NTM: variants seen among roughly 807,000 people sequenced by gnomAD.
NTM encodes the protein neurotrimin, also known as IgLON family member 2.
A neutral mutation model predicts 42.1 loss-of-function variants in NTM; 13 were observed. That is an observed-to-expected ratio of 0.31 (90% CI 0.20 to 0.49). The LOEUF is 0.49. Ranked by LOEUF, NTM falls within the 20% of genes least tolerant of loss-of-function variation. The pLI is 0.99. For missense variants in NTM, 373 were observed against 452.8 expected, an observed-to-expected ratio of 0.82 and a Z score of 1.60; for synonymous variants, 187 against 179.2, an observed-to-expected ratio of 1.04 and a Z score of -0.35.
rs531781416 is a variant in NTM at position 132,250,322 on chromosome 11, G to T, written c.526+38175G>T. 7.2e-5 allele frequency among the ~76,000 whole-genome samples: 11 copies of T among 152,164 alleles called. No homozygotes were observed. In the East Asian group the frequency reaches 2.1e-3, roughly 29 times the overall value. ...TTTTAAGATTTTTTCTTTGGATTTG[G>T]CTTTTTGCAAGTTCACGATGCTGTG... On this transcript the variant is annotated intron_variant, in intron 4 of 8. Transcript: ENST00000683400.
intron 3 of NTM, among the ~76,000 whole-genome samples, chr11:132,169,729 C>T (rs1462952092): frequency 6.6e-6 from 1 of 152,112 alleles, no homozygotes; most frequent in Non-Finnish European, 1.5e-5. Flanking sequence ...TACTGACAGA[C>T]AAGCATGAGA....
At chr11:131,852,769 A>G (rs1451228069) in intron 1 of NTM, among the ~76,000 whole-genome samples, 1 of 152,046 alleles carries the variant, frequency 6.6e-6, no homozygotes, top group African/African-American at 2.4e-5. Flanking sequence ...CCAACTATTC[A>G]TCTACTCATC....
chr11:132,242,809 G>A (rs993952968), intron 4 of NTM, among the ~76,000 whole-genome samples: 7 of 152,182 alleles, frequency 4.6e-5, no homozygotes, highest in South Asian at 2.1e-4. Context: ...TTGGAAACGC[G>A]TCCCCATTCT....
chr11:131,656,414 C>A (rs1202259816), intron 1 of NTM, among the ~76,000 whole-genome samples: 3 of 152,206 alleles, frequency 2.0e-5, no homozygotes, highest in East Asian at 1.9e-4. Flanking sequence ...TTCCTTCCTG[C>A]GATGCAGCAT....
At chr11:131,951,394 T>C (rs770461459) in intron 2 of NTM, among the ~76,000 whole-genome samples, 1 of 152,086 alleles carries the variant, frequency 6.6e-6, no homozygotes, top group Non-Finnish European at 1.5e-5. Flanking sequence ...GAAAAGCTGG[T>C]TTGGAGGCAG....
intron 2 of NTM, among the ~76,000 whole-genome samples, chr11:131,947,957 G>T (rs11222846): frequency 0.11 from 17,332 of 152,170 alleles, 1,369 homozygotes; most frequent in East Asian, 0.45. Flanking sequence ...CTTATTATTA[G>T]TAGTAGTAGT....
At chr11:132,237,775 G>A (rs1420816453) in intron 4 of NTM, among the ~76,000 whole-genome samples, 3 of 152,158 alleles carry the variant, frequency 2.0e-5, no homozygotes, top group Non-Finnish European at 2.9e-5. Flanking sequence ...AAATCTGGGC[G>A]CGCAGAGAGA....
intron 1 of NTM, among the ~76,000 whole-genome samples, chr11:131,389,050 G>GAAAAGAAAAGAAAAGAAAAGA (rs1555097661): frequency 1.9e-4 from 19 of 100,206 alleles, no homozygotes; most frequent in Admixed American, 1.6e-3. Context: ...AAAAGAAAAG[G>GAAAAGAAAAGAAAAGAAAAGA]AAAAAGAAAG....
intron 1 of NTM, chr11:131,535,661 A>G (rs1282285150): frequency 3.3e-5 from 5 of 152,244 alleles, no homozygotes; most frequent in Admixed American, 3.3e-4. Flanking sequence ...AGAGGAGCTT[A>G]GCATGCCACA....
At chr11:132,120,089 C>T (rs2064529342) in intron 2 of NTM, among the ~76,000 whole-genome samples, 1 of 152,052 alleles carries the variant, frequency 6.6e-6, no homozygotes. Flanking sequence ...GCCTTCCCTC[C>T]CAGTCACAGC....
In NTM at chr11:131,851,881, GA is replaced by G. The variant is rs2045595251; in HGVS notation, c.83-59682del. On this transcript the variant is annotated intron_variant, in intron 1 of 8. Transcript: ENST00000683400. ...TAGAGAAGAAGGAGAAAAAAGCAAG[GA>G]GGAGGAAAAAGTTGTCATTTTCATA... 4.6e-5 allele frequency among the ~76,000 whole-genome samples: 7 copies of G among 152,150 alleles called. No individual in the cohort carries two copies. In the South Asian group the frequency reaches 1.5e-3, roughly 32 times the overall value.
chr11:131,396,161 A>T (rs1944528820), intron 1 of NTM, among the ~76,000 whole-genome samples: 1 of 152,242 alleles, frequency 6.6e-6, no homozygotes, highest in East Asian at 1.9e-4. Flanking sequence ...AGAGCTGACC[A>T]CTTGCTTCAT....
intron 1 of NTM, among the ~76,000 whole-genome samples, chr11:131,791,903 T>A (rs1247240585): frequency 1.3e-5 from 2 of 152,208 alleles, no homozygotes; most frequent in Non-Finnish European, 2.9e-5. Flanking sequence ...TACTTATCTA[T>A]AAATAGAAAC....
intron 1 of NTM, among the ~76,000 whole-genome samples, chr11:131,655,182 G>A (rs1033523419): frequency 3.9e-5 from 6 of 152,208 alleles, no homozygotes; most frequent in East Asian, 3.8e-4. Flanking sequence ...GTTGGGATAC[G>A]ACTTGAGTAT....
At chr11:131,598,875 T>TCCTCCTTCCTTCCTTCCTTC (rs1174189983) in intron 1 of NTM, among the ~76,000 whole-genome samples, 2 of 35,004 alleles carry the variant, frequency 5.7e-5, no homozygotes, top group African/African-American at 9.9e-5. Flanking sequence ...CTTCCTTCCT[T>TCCTCCTTCCTTCCTTCCTTC]CTTCCTTCCT....
intron 2 of NTM, among the ~76,000 whole-genome samples, chr11:131,987,736 CTG>C (rs1476927425): frequency 6.6e-6 from 1 of 152,158 alleles, no homozygotes; most frequent in Admixed American, 6.5e-5. Flanking sequence ...TCCAAATGCT[CTG>C]TATTTTATGA....
At chr11:131,578,316 T>A (rs1027231878) in intron 1 of NTM, among the ~76,000 whole-genome samples, 1 of 152,202 alleles carries the variant, frequency 6.6e-6, no homozygotes, top group Admixed American at 6.5e-5. Flanking sequence ...TTATGTCATA[T>A]CTGATGTCAG....
intron 3 of NTM, among the ~76,000 whole-genome samples, chr11:132,176,065 G>T (rs1036973681): frequency 5.9e-5 from 9 of 152,038 alleles, no homozygotes; most frequent in Non-Finnish European, 1.0e-4. Context: ...CTAAAGAAAG[G>T]TTCATTGAAT....
At chr11:131,523,103 G>A in intron 1 of NTM, among the ~76,000 whole-genome samples, 1 of 152,174 alleles carries the variant, frequency 6.6e-6, no homozygotes, top group African/African-American at 2.4e-5. Context: ...TGTACCAGCC[G>A]ACTTAGTGTC....
Sources: allele counts gnomAD v4.1 joint callset (sites outside exome capture counted in the v4.1 genomes callset), GRCh38; gene constraint gnomAD v4.1.1; transcripts MANE v1.5; gene names NCBI Gene and HGNC (gene_info 2026-07-23, HGNC 2026-07-21).